NPIPB2: variants seen among roughly 807,000 people sequenced by gnomAD.
NPIPB2 encodes nuclear pore complex interacting protein family member B2, also known as nuclear pore complex-interacting protein family member B2.
In NPIPB2, 27 loss-of-function variants were observed where a neutral mutation model predicts 30.8. The observed-to-expected ratio is 0.88, with a 90% CI of 0.65 to 1.21. The LOEUF is 1.21. Among genes scored for constraint, NPIPB2 ranks in the 50% most tolerant of loss-of-function variants. The pLI is 0.00. For synonymous variants in NPIPB2, 147 were observed against 162.0 expected (o/e 0.91, Z 0.70); for missense variants, 440 against 446.2 (o/e 0.99, Z 0.13).
chr16:11,965,969 G>A (rs2055190064), intron 1 of NPIPB2, among the ~76,000 whole-genome samples: 1 of 152,078 alleles, frequency 6.6e-6, no homozygotes, highest in African/African-American at 2.4e-5. Context: ...AAATTAGCTG[G>A]GCATGGTGGC....
At chr16:11,931,443 CAG>C (rs1310780091) in intron 4 of NPIPB2, among the ~76,000 whole-genome samples, 1 of 148,310 alleles carries the variant, frequency 6.7e-6, no homozygotes, top group African/African-American at 2.5e-5. Flanking sequence ...CGCTAGGAAA[CAG>C]GGGCGAAAAC....
intron 1 of NPIPB2, among the ~76,000 whole-genome samples, chr16:11,951,666 A>ACACACACACACACACACACACACACACCC (rs1226047972): frequency 7.2e-6 from 1 of 138,874 alleles, no homozygotes; most frequent in Non-Finnish European, 1.6e-5. Flanking sequence ...ACACACACAC[A>ACACACACACACACACACACACACACACCC]CCCAGCCCCC....
At chr16:11,927,588 T>A in exon 8 of NPIPB2, 1 of 1,605,190 alleles carries the variant, frequency 6.2e-7, no homozygotes, top group Non-Finnish European at 8.5e-7. Context: ...GCCTCCTGAG[T>A]AGCTAAGGGA....
intron 1 of NPIPB2, among the ~76,000 whole-genome samples, chr16:11,974,850 A>G (rs12930665): frequency 0.41 from 62,367 of 151,640 alleles, 13,504 homozygotes; most frequent in Non-Finnish European, 0.48. Context: ...GAGGTGGGTG[A>G]ATCACGAGGT....
At chr16:11,955,353 C>CTAA (rs2055101187) in intron 1 of NPIPB2, among the ~76,000 whole-genome samples, 65 of 46,580 alleles carry the variant, frequency 1.4e-3, no homozygotes, top group African/African-American at 2.8e-3. Context: ...AACTCTGTGT[C>CTAA]AAAAAAAAAA....
At chr16:11,966,105 T>C (rs541886818) in intron 1 of NPIPB2, 7 of 1,363,604 alleles carry the variant, frequency 5.1e-6, no homozygotes, top group Admixed American at 2.3e-5. Context: ...AGCAAGACTT[T>C]GTCTCAAAAT....
upstream of NPIPB2, among the ~76,000 whole-genome samples, chr16:11,944,656 G>T (rs2054984005): frequency 7.4e-6 from 1 of 135,798 alleles, no homozygotes; most frequent in Non-Finnish European, 1.5e-5. Context: ...CCAGCTACTT[G>T]GAAGGCTGAG....
intron 1 of NPIPB2, among the ~76,000 whole-genome samples, chr16:11,969,320 C>T (rs924174974): frequency 5.9e-5 from 9 of 151,980 alleles, no homozygotes; most frequent in African/African-American, 1.7e-4. Flanking sequence ...TGCAGTGGTG[C>T]GATCTCAGCT....
In NPIPB2 at chr16:11,933,935, A is replaced by T; in HGVS notation, c.193-11T>A. The T allele has an allele frequency of 6.5e-7, 1 of 1,529,124 alleles. No individual in the cohort carries two copies. The highest frequency in any genetic ancestry group is 1.1e-5 in the South Asian group (1 of 89,528). 94.7% of individuals were successfully genotyped at this position (1,529,124 alleles called of 1,614,324 possible). A position where few individuals can be genotyped will look rare whatever the true frequency, so the allele number is the denominator to read the frequency against. The stretch of plus-strand genomic sequence containing the variant: ...CTTCAGGAAAGACAACTAGGAAATA[A>T]TAATATAAGAATGACGGCTGGGCAC... On this transcript the variant is annotated splice_polypyrimidine_tract_variant and intron_variant, in intron 2 of 7. Transcript: ENST00000399147.
chr16:11,951,929 G>T (rs2055069886), intron 1 of NPIPB2, among the ~76,000 whole-genome samples: 1 of 152,126 alleles, frequency 6.6e-6, no homozygotes, highest in Non-Finnish European at 1.5e-5. Flanking sequence ...GGAGGCCGAG[G>T]CGGGCGGACC....
At chr16:11,933,660 T>C (rs752500027) in exon 4 of NPIPB2, 14 of 1,596,896 alleles carry the variant, frequency 8.8e-6, no homozygotes, top group Non-Finnish European at 1.2e-5. Context: ...CAATTTTATT[T>C]CCTGGAAAGG....
At chr16:11,948,024 C>A (rs1365250870) in intron 1 of NPIPB2, among the ~76,000 whole-genome samples, 1 of 149,216 alleles carries the variant, frequency 6.7e-6, no homozygotes, top group Non-Finnish European at 1.5e-5. Context: ...GACCCCTCCC[C>A]CTGCATTCTC....
chr16:11,966,315 C>T (rs1190218326), intron 1 of NPIPB2: 6 of 1,612,702 alleles, frequency 3.7e-6, no homozygotes, highest in South Asian at 1.1e-5. Context: ...AACTCTGAAC[C>T]ATTAAAGGAC....
intron 1 of NPIPB2, among the ~76,000 whole-genome samples, chr16:11,955,739 G>GAAAAAA (rs1269623706): frequency 6.7e-6 from 1 of 148,336 alleles, no homozygotes; most frequent in Non-Finnish European, 1.5e-5. Context: ...AAAAAGAAAA[G>GAAAAAA]AAAAAAGAAA....
chr16:11,974,222 C>T (rs1257342846), intron 1 of NPIPB2, among the ~76,000 whole-genome samples: 1 of 152,104 alleles, frequency 6.6e-6, no homozygotes, highest in Non-Finnish European at 1.5e-5. Context: ...TTCATTATTA[C>T]AGAGAATGCT....
chr16:11,930,237 A>C (rs1277363175), intron 5 of NPIPB2, among the ~76,000 whole-genome samples: 1 of 119,098 alleles, frequency 8.4e-6, no homozygotes, highest in Non-Finnish European at 1.7e-5. Context: ...CAATGGGGTC[A>C]GGAGCCGTTT....
intron 1 of NPIPB2, among the ~76,000 whole-genome samples, chr16:11,951,979 G>A (rs1414323512): frequency 2.0e-5 from 3 of 152,068 alleles, no homozygotes; most frequent in African/African-American, 7.2e-5. Flanking sequence ...TTAACACGGT[G>A]AAACCCCGAC....
At position 11,933,058 on chromosome 16, in the gene NPIPB2, C is replaced by T. The variant is rs554270283; in HGVS notation, c.488+459G>A. 1.1e-4 allele frequency among the ~76,000 whole-genome samples: 17 copies of T among 150,814 alleles called. 1 individual carries two copies. Among genetic ancestry groups the T allele is most frequent in the African/African-American group, 3.4e-4 (14 of 41,218 alleles). On this transcript the variant is annotated intron_variant, in intron 4 of 7. Coordinates refer to ENST00000399147, the Ensembl canonical transcript of NPIPB2. ...GGTGGATTACCTGAGGTCAGAAGTT[C>T]GAGACCAGCCTGGACAACATGGTGA...
upstream of NPIPB2, among the ~76,000 whole-genome samples, chr16:11,945,995 A>C (rs1016307609): frequency 6.7e-6 from 1 of 149,714 alleles, no homozygotes; most frequent in Admixed American, 6.8e-5. Context: ...CCATCCCCTC[A>C]TGATTTGTTT....
Sources: gnomAD v4.1 joint callset for allele counts (sites outside exome capture counted in the v4.1 genomes callset) on GRCh38, gnomAD v4.1.1 for gene constraint, MANE v1.5 for transcripts, NCBI Gene and HGNC (gene_info 2026-07-23, HGNC 2026-07-21) for gene names.